The following PAIP2B variants were observed in gnomAD, a reference collection of about 807,000 sequenced individuals.
The protein encoded by PAIP2B is polyadenylate-binding protein-interacting protein 2B.
A neutral mutation model predicts 17.0 loss-of-function variants in PAIP2B; 13 were observed. The ratio of observed to expected loss-of-function variants is 0.76; its 90% confidence interval spans 0.50 to 1.22. The LOEUF (loss-of-function observed/expected upper bound fraction) is 1.22, where lower values mean the gene tolerates loss of function less well. PAIP2B is among the 50% of genes most tolerant of loss of function. PAIP2B has a pLI of 0.00. For synonymous variants in PAIP2B, 43 were observed against 48.7 expected (o/e 0.88, Z 0.48); for missense variants, 117 against 144.5 (o/e 0.81, Z 0.98).
At chr2:71,190,464 T>C (rs985279798) in intron 2 of PAIP2B, among the ~76,000 whole-genome samples, 1 of 152,098 alleles carries the variant, frequency 6.6e-6, no homozygotes, top group Non-Finnish European at 1.5e-5. Flanking sequence ...GATTTTATGA[T>C]CTTACATGAG....
chr2:71,225,437 C>T (rs1177885563), intron 1 of PAIP2B, among the ~76,000 whole-genome samples: 2 of 152,162 alleles, frequency 1.3e-5, no homozygotes, highest in African/African-American at 4.8e-5. Context: ...TGATGTTAAA[C>T]TCATAGCTTA....
intron 1 of PAIP2B, among the ~76,000 whole-genome samples, chr2:71,210,670 A>G (rs1675272156): frequency 6.6e-6 from 1 of 152,274 alleles, no homozygotes; most frequent in African/African-American, 2.4e-5. Flanking sequence ...TGTAAAATAT[A>G]TCAAAACAAA....
chr2:71,206,931 T>G (rs896247905), intron 1 of PAIP2B, among the ~76,000 whole-genome samples: 2 of 152,210 alleles, frequency 1.3e-5, no homozygotes, highest in African/African-American at 2.4e-5. Flanking sequence ...AAATTTTATT[T>G]CAAATATTCT....
intron 1 of PAIP2B, among the ~76,000 whole-genome samples, chr2:71,203,570 T>G (rs748084275): frequency 1.9e-4 from 29 of 152,050 alleles, no homozygotes; most frequent in Admixed American, 1.7e-3. Flanking sequence ...TTTCCTTAAT[T>G]TTTACTGAGG....
intron 2 of PAIP2B, among the ~76,000 whole-genome samples, chr2:71,200,110 A>G (rs960940798): frequency 1.3e-5 from 2 of 152,166 alleles, no homozygotes; most frequent in African/African-American, 4.8e-5. Context: ...AGCTGTTTTC[A>G]TCTTATTCTA....
chr2:71,204,084 A>G (rs1341931310), intron 1 of PAIP2B, among the ~76,000 whole-genome samples: 1 of 152,160 alleles, frequency 6.6e-6, no homozygotes, highest in Admixed American at 6.5e-5. Context: ...TTTGATATGC[A>G]TAATTTTTCT....
At chr2:71,220,464 G>A (rs982981955) in intron 1 of PAIP2B, among the ~76,000 whole-genome samples, 1 of 152,184 alleles carries the variant, frequency 6.6e-6, no homozygotes, top group Middle Eastern at 3.2e-3. Context: ...TGGTGGATCT[G>A]TGGAGTGCTT....
intron 1 of PAIP2B, among the ~76,000 whole-genome samples, chr2:71,223,041 C>G (rs1404031096): frequency 6.6e-6 from 1 of 152,224 alleles, no homozygotes; most frequent in Non-Finnish European, 1.5e-5. Flanking sequence ...CCTGACTTAG[C>G]TCTTATCTGT....
chr2:71,205,603 A>T (rs1267457936), intron 1 of PAIP2B, among the ~76,000 whole-genome samples: 2 of 151,972 alleles, frequency 1.3e-5, no homozygotes, highest in Non-Finnish European at 2.9e-5. Flanking sequence ...ATCACCCTTA[A>T]CTTCCCTGAA....
At chr2:71,189,822 G>A (rs1327401970) in intron 3 of PAIP2B, 23 bp downstream of exon 3, 2 of 1,533,354 alleles carry the variant, frequency 1.3e-6, no homozygotes, top group Non-Finnish European at 1.8e-6. Context: ...TACATAACCT[G>A]GGGAACTACA....
At chr2:71,222,992 G>A (rs979244878) in intron 1 of PAIP2B, among the ~76,000 whole-genome samples, 1 of 152,212 alleles carries the variant, frequency 6.6e-6, no homozygotes, top group Non-Finnish European at 1.5e-5. Context: ...CCTTGGTCAA[G>A]TGAATCTATA....
chr2:71,198,269 C>A (rs1472787199), intron 2 of PAIP2B, among the ~76,000 whole-genome samples: 3 of 144,336 alleles, frequency 2.1e-5, no homozygotes, highest in Non-Finnish European at 3.1e-5. Context: ...CAGGTGCCTG[C>A]CACCAGGCCC....
intron 1 of PAIP2B, among the ~76,000 whole-genome samples, chr2:71,213,318 C>T (rs1354082214): frequency 6.6e-6 from 1 of 152,046 alleles, no homozygotes; most frequent in Non-Finnish European, 1.5e-5. Context: ...AGAGGGGAGC[C>T]AAGCAGCATA....
chr2:71,197,320 C>G (rs1674846838), intron 2 of PAIP2B, among the ~76,000 whole-genome samples: 1 of 152,140 alleles, frequency 6.6e-6, no homozygotes, highest in African/African-American at 2.4e-5. Flanking sequence ...TTTTTTTACT[C>G]TAAGAATGTT....
chr2:71,212,373 G>C (rs1266692026), intron 1 of PAIP2B, among the ~76,000 whole-genome samples: 1 of 152,172 alleles, frequency 6.6e-6, no homozygotes, highest in African/African-American at 2.4e-5. Flanking sequence ...CAAGAATCAA[G>C]TCCTTTACAG....
intron 1 of PAIP2B, among the ~76,000 whole-genome samples, chr2:71,222,510 T>C (rs1432181537): frequency 6.6e-6 from 1 of 152,196 alleles, no homozygotes; most frequent in African/African-American, 2.4e-5. Context: ...AGAGGGCAGG[T>C]CTTCAGAGCT....
chr2:71,200,247 A>G (rs555844262), intron 2 of PAIP2B, among the ~76,000 whole-genome samples: 3 of 152,288 alleles, frequency 2.0e-5, no homozygotes, highest in Admixed American at 6.5e-5. Flanking sequence ...CTGAATTACC[A>G]TGAAAACTAT....
Position 71,189,829 on chromosome 2 carries a change from T to C in PAIP2B, c.315+16A>G. 6.5e-7 allele frequency: 1 copy of C among 1,538,658 alleles called. No individual in the cohort carries two copies. The highest frequency in any genetic ancestry group is 8.8e-7 in the Non-Finnish European group (1 of 1,139,386). On this transcript the variant is annotated intron_variant, in intron 3 of 3. Coordinates refer to ENST00000244221, the MANE Select transcript of PAIP2B (RefSeq NM_020459.1). ...CTTTTCACTACATAACCTGGGGAAC[T>C]ACATATGGCTCTTACCAAAATATCT...
intron 1 of PAIP2B, among the ~76,000 whole-genome samples, chr2:71,218,471 T>A (rs930443666): frequency 6.6e-6 from 1 of 152,068 alleles, no homozygotes; most frequent in Non-Finnish European, 1.5e-5. Context: ...ACAATGAGAT[T>A]TTCTGCTTAA....
Sources: gnomAD v4.1 joint callset for allele counts (sites outside exome capture counted in the v4.1 genomes callset) on GRCh38, gnomAD v4.1.1 for gene constraint, MANE v1.5 for transcripts, NCBI Gene and HGNC (gene_info 2026-07-23, HGNC 2026-07-21) for gene names.